The following PAWR variants were observed in gnomAD, a reference collection of about 807,000 sequenced individuals.
The protein encoded by PAWR is PRKC apoptosis WT1 regulator protein.
Under a neutral mutation model 32.0 loss-of-function variants are expected in PAWR, and 23 were observed. That is an observed-to-expected ratio of 0.72 (90% CI 0.52 to 1.02). The LOEUF (loss-of-function observed/expected upper bound fraction) is 1.02. PAWR is among the 50% of genes least tolerant of loss of function. PAWR has a pLI of 0.00. For missense variants in PAWR, 457 were observed against 437.7 expected, an observed-to-expected ratio of 1.04 and a Z score of -0.39; for synonymous variants, 226 against 187.1, an observed-to-expected ratio of 1.21 and a Z score of -1.70.
intron 2 of PAWR, among the ~76,000 whole-genome samples, chr12:79,639,884 T>TCCCATTCCCATTC (rs1403328612): frequency 1.3e-5 from 1 of 77,598 alleles, no homozygotes; most frequent in African/African-American, 3.7e-5. Context: ...CTATTCCTAT[T>TCCCATTCCCATTC]CCATTCCATT....
intron 2 of PAWR, among the ~76,000 whole-genome samples, chr12:79,665,411 A>G (rs563275509): frequency 1.3e-5 from 2 of 152,332 alleles, no homozygotes; most frequent in South Asian, 2.1e-4. Context: ...TCTAACCCAC[A>G]TTAAATGACT....
rs559006841 is a variant in PAWR, at chr12:79,678,054, A to C, written c.516+11675T>G. 5.9e-5 allele frequency among the ~76,000 whole-genome samples: 9 copies of C among 152,284 alleles called. No homozygotes were observed. In the East Asian group the frequency reaches 9.7e-4, roughly 16 times the overall value. On this transcript the variant is annotated intron_variant, in intron 2 of 6. Coordinates refer to ENST00000328827, the MANE Select transcript of PAWR (RefSeq NM_002583.4). Reference sequence around the variant, plus strand: ...GTCATCAAAAGAAATCACTTGGTACAACTTTGTTTAGATCCTATCCTCTAG... The same window carrying C: ...GTCATCAAAAGAAATCACTTGGTACCACTTTGTTTAGATCCTATCCTCTAG...
chr12:79,664,136 A>C (rs1877482971), intron 2 of PAWR, among the ~76,000 whole-genome samples: 1 of 152,198 alleles, frequency 6.6e-6, no homozygotes, highest in African/African-American at 2.4e-5. Context: ...ACTATTCATA[A>C]AGGATTATTT....
chr12:79,651,889 A>T (rs894299548), intron 2 of PAWR, among the ~76,000 whole-genome samples: 1 of 152,236 alleles, frequency 6.6e-6, no homozygotes, highest in Non-Finnish European at 1.5e-5. Context: ...ATGAAGTGTT[A>T]GATACACATA....
intron 3 of PAWR, among the ~76,000 whole-genome samples, chr12:79,619,092 A>C (rs1001146343): frequency 6.6e-6 from 1 of 152,026 alleles, no homozygotes; most frequent in African/African-American, 2.4e-5. Flanking sequence ...TAAAATATTA[A>C]ATAGAAAACT....
chr12:79,620,096 G>A (rs1195983706), intron 3 of PAWR, among the ~76,000 whole-genome samples: 1 of 152,024 alleles, frequency 6.6e-6, no homozygotes, highest in East Asian at 1.9e-4. Context: ...GTAAAATTAT[G>A]GCATAACATG....
At chr12:79,650,096 T>G (rs1468911301) in intron 2 of PAWR, among the ~76,000 whole-genome samples, 2 of 152,202 alleles carry the variant, frequency 1.3e-5, no homozygotes, top group Non-Finnish European at 2.9e-5. Flanking sequence ...TCCTGCTGTA[T>G]AGCCTGGTAG....
intron 2 of PAWR, among the ~76,000 whole-genome samples, chr12:79,638,386 A>G (rs1876069937): frequency 6.6e-6 from 1 of 152,114 alleles, no homozygotes; most frequent in Non-Finnish European, 1.5e-5. Context: ...AAGAATGGTA[A>G]TCTTTGTCCA....
chr12:79,655,913 T>C lies in PAWR; in HGVS notation c.516+33816A>G, dbSNP rs199977054. 6.6e-5 allele frequency among the ~76,000 whole-genome samples: 10 copies of C among 152,230 alleles called. 1 individual carries two copies. The East Asian group carries it at 1.7e-3, about 26-fold the overall frequency. On this transcript the variant is annotated intron_variant, in intron 2 of 6. Transcript: ENST00000328827. ...ATATGTGAAAGAGACAAATAAGCAA[T>C]TAAAATAGAGTGCTGATAGAAGGTA... is the stretch of plus-strand genomic sequence containing the variant.
intron 2 of PAWR, among the ~76,000 whole-genome samples, chr12:79,658,207 T>C (rs1012817468): frequency 2.6e-5 from 4 of 152,192 alleles, no homozygotes; most frequent in East Asian, 1.9e-4. Context: ...GCACCTGGCA[T>C]TGGCACCCTC....
chr12:79,604,610 A>G (rs1874095217), intron 4 of PAWR: 1 of 1,282,012 alleles, frequency 7.8e-7, no homozygotes, highest in Non-Finnish European at 1.0e-6. Context: ...ACCAACAACT[A>G]CTTAACTGGC....
At chr12:79,600,588 C>T (rs1185803049) in intron 4 of PAWR, among the ~76,000 whole-genome samples, 1 of 151,386 alleles carries the variant, frequency 6.6e-6, no homozygotes, top group Non-Finnish European at 1.5e-5. Flanking sequence ...CTCAAGTGAT[C>T]CTTCCACCTT....
intron 2 of PAWR, among the ~76,000 whole-genome samples, chr12:79,661,143 G>A (rs935348181): frequency 6.6e-5 from 10 of 151,482 alleles, no homozygotes; most frequent in African/African-American, 2.4e-4. Flanking sequence ...CAGCTACTGG[G>A]GAGGCTGAGG....
intron 2 of PAWR, among the ~76,000 whole-genome samples, chr12:79,645,937 A>G (rs989074952): frequency 1.3e-5 from 2 of 152,184 alleles, no homozygotes; most frequent in Admixed American, 1.3e-4. Flanking sequence ...TTCTGTCACC[A>G]TGTAACTTTA....
intron 4 of PAWR, among the ~76,000 whole-genome samples, chr12:79,612,396 T>A (rs1369818348): frequency 6.6e-6 from 1 of 152,134 alleles, no homozygotes. Flanking sequence ...GGTTAATGAA[T>A]GTTTTATTTT....
At chr12:79,630,559 T>C (rs1875568234) in intron 2 of PAWR, among the ~76,000 whole-genome samples, 1 of 152,160 alleles carries the variant, frequency 6.6e-6, no homozygotes, top group Admixed American at 6.5e-5. Context: ...TGCCTTGGCC[T>C]CCCAAAGGGC....
rs1271673773 is a variant in PAWR at position 79,670,059 on chromosome 12, G to A, written c.516+19670C>T. ...AAAATGTAAATATTTTTAACCTATG[G>A]GTATACAAAATGCTAAAAATAGGTG... On this transcript the variant is annotated intron_variant, in intron 2 of 6. Transcript: ENST00000328827. Among the ~76,000 whole-genome samples the A allele has an allele frequency of 2.0e-5, 3 of 151,632 alleles. No individual in the cohort carries two copies. In the South Asian group the frequency reaches 6.3e-4, roughly 32 times the overall value.
At chr12:79,657,581 G>A (rs181593410) in intron 2 of PAWR, among the ~76,000 whole-genome samples, 62 of 152,224 alleles carry the variant, frequency 4.1e-4, no homozygotes, top group African/African-American at 1.4e-3. Context: ...CACAAGGTCA[G>A]AAGACCGAGA....
chr12:79,606,633 GA>G (rs1241707541), intron 4 of PAWR, among the ~76,000 whole-genome samples: 1 of 151,988 alleles, frequency 6.6e-6, no homozygotes, highest in East Asian at 1.9e-4. Flanking sequence ...CCCTATGTTC[GA>G]AAAAAATCTA....
Sources: gnomAD v4.1 joint callset for allele counts (sites outside exome capture counted in the v4.1 genomes callset) on GRCh38, gnomAD v4.1.1 for gene constraint, MANE v1.5 for transcripts, NCBI Gene and HGNC (gene_info 2026-07-23, HGNC 2026-07-21) for gene names.